Variants in MEI4 observed in about 807,000 individuals in gnomAD.
MEI4 encodes meiotic double-stranded break formation protein 4, also known as meiosis-specific protein MEI4.
A neutral mutation model predicts 31.4 loss-of-function variants in MEI4; 27 were observed. The observed-to-expected ratio is 0.86, with a 90% CI of 0.63 to 1.19. The LOEUF is 1.19. Ranked by LOEUF, MEI4 falls within the 50% of genes most tolerant of loss-of-function variation. The pLI is 0.00. For synonymous variants in MEI4, 122 were observed against 145.4 expected (o/e 0.84, Z 1.16); for missense variants, 329 against 398.9 (o/e 0.82, Z 1.49).
chr6:77,775,919 G>C (rs1768427119), intron 3 of MEI4, among the ~76,000 whole-genome samples: 1 of 152,100 alleles, frequency 6.6e-6, no homozygotes, highest in Admixed American at 6.6e-5. Flanking sequence ...TTGTGGTTTT[G>C]ATTTGCGCTT....
intron 4 of MEI4, among the ~76,000 whole-genome samples, chr6:77,883,418 A>C (rs752898798): frequency 6.6e-6 from 1 of 151,868 alleles, no homozygotes; most frequent in African/African-American, 2.4e-5. Context: ...GCATGTAAAC[A>C]TTAATGAACC....
chr6:77,854,528 A>G (rs1770702619), intron 4 of MEI4, among the ~76,000 whole-genome samples: 1 of 151,798 alleles, frequency 6.6e-6, no homozygotes, highest in Non-Finnish European at 1.5e-5. Flanking sequence ...TTTAAAAATT[A>G]AAACATATGG....
chr6:77,839,560 C>T (rs9343676), intron 4 of MEI4, among the ~76,000 whole-genome samples: 35,227 of 151,920 alleles, frequency 0.23, 5,186 homozygotes, highest in African/African-American at 0.42. Context: ...TGATGTAAAC[C>T]GCTGTGTATA....
At chr6:77,787,880 C>G (rs1015651605) in intron 3 of MEI4, among the ~76,000 whole-genome samples, 1 of 152,078 alleles carries the variant, frequency 6.6e-6, no homozygotes, top group Non-Finnish European at 1.5e-5. Flanking sequence ...GGTGGATAAG[C>G]TTTTTGATGT....
intron 3 of MEI4, among the ~76,000 whole-genome samples, chr6:77,784,184 A>G (rs1359911126): frequency 1.3e-5 from 2 of 152,148 alleles, no homozygotes; most frequent in East Asian, 3.9e-4. Flanking sequence ...GTTCATGGAG[A>G]ACCACTGTGC....
chr6:77,698,348 G>A (rs148399543), intron 2 of MEI4, among the ~76,000 whole-genome samples: 4,480 of 152,264 alleles, frequency 0.029, 233 homozygotes, highest in African/African-American at 0.1. Context: ...AGTTGATGCA[G>A]TTTCTTCCTA....
At chr6:77,733,575 C>T (rs533611665) in intron 2 of MEI4, among the ~76,000 whole-genome samples, 1 of 151,952 alleles carries the variant, frequency 6.6e-6, no homozygotes, top group South Asian at 2.1e-4. Flanking sequence ...TTTCAAAAAA[C>T]CAGCTCCTGG....
intron 2 of MEI4, among the ~76,000 whole-genome samples, chr6:77,745,607 G>T (rs1169915525): frequency 6.6e-6 from 1 of 152,062 alleles, no homozygotes; most frequent in Admixed American, 6.6e-5. Flanking sequence ...ACTCAGCTCT[G>T]CACCAAGCAG....
At chr6:77,916,322 A>C (rs936058938) in intron 4 of MEI4, among the ~76,000 whole-genome samples, 2 of 152,002 alleles carry the variant, frequency 1.3e-5, no homozygotes, top group African/African-American at 4.8e-5. Flanking sequence ...CTTTCCTTTT[A>C]TCATGTATCT....
At chr6:77,731,217 T>G (rs528993579) in intron 2 of MEI4, among the ~76,000 whole-genome samples, 36 of 149,480 alleles carry the variant, frequency 2.4e-4, no homozygotes, top group South Asian at 1.1e-3. Flanking sequence ...ACTTCCACAA[T>G]GGTTGAACTA....
At chr6:77,661,319 G>A (rs190798880) in intron 1 of MEI4, among the ~76,000 whole-genome samples, 1 of 152,168 alleles carries the variant, frequency 6.6e-6, no homozygotes, top group African/African-American at 2.4e-5. Flanking sequence ...AATAAAGGCC[G>A]GTCCGTTATC....
intron 4 of MEI4, among the ~76,000 whole-genome samples, chr6:77,904,337 G>A (rs1440066062): frequency 6.6e-6 from 1 of 152,016 alleles, no homozygotes; most frequent in Non-Finnish European, 1.5e-5. Context: ...GGTTCAGGGA[G>A]TACATGTGCA....
chr6:77,738,819 AT>A (rs1767321641), intron 2 of MEI4, among the ~76,000 whole-genome samples: 2 of 152,212 alleles, frequency 1.3e-5, no homozygotes, highest in Non-Finnish European at 2.9e-5. Flanking sequence ...TGTGGTTTTG[AT>A]TTGCATTTCT....
chr6:77,808,548 T>G (rs1769496762), intron 3 of MEI4, among the ~76,000 whole-genome samples: 1 of 152,128 alleles, frequency 6.6e-6, no homozygotes, highest in Non-Finnish European at 1.5e-5. Context: ...GGATTGGTCC[T>G]GGGTTAGTCT....
Position 77,778,378 on chromosome 6 carries a change from A to G in MEI4, c.768+16713A>G, listed in dbSNP as rs1768509641. ...GGAATAAATGTTATAAAACTATCCT[A>G]TGGCATATGTCTGAACAACTTTAGT... is the stretch of plus-strand genomic sequence containing the variant. On this transcript the variant is annotated intron_variant, in intron 3 of 4. Transcript: ENST00000684080. Among the ~76,000 whole-genome samples the G allele has an allele frequency of 2.6e-5, 4 of 152,076 alleles. No homozygotes were observed. The South Asian group carries it at 8.3e-4, about 32-fold the overall frequency.
chr6:77,896,732 T>G (rs1286411655), intron 4 of MEI4, among the ~76,000 whole-genome samples: 1 of 152,044 alleles, frequency 6.6e-6, no homozygotes, highest in Non-Finnish European at 1.5e-5. Flanking sequence ...AGGAATTATC[T>G]TCTAGATTAC....
At chr6:77,850,328 A>G (rs956356066) in intron 4 of MEI4, among the ~76,000 whole-genome samples, 7 of 152,098 alleles carry the variant, frequency 4.6e-5, no homozygotes, top group Non-Finnish European at 8.8e-5. Flanking sequence ...CATTGCCAAG[A>G]CAATCCTAAG....
rs554705225 is a variant in MEI4, at chr6:77,828,862, T to C, written c.769-69T>C. ...TTCCTCACAGCATTTAGCTCAGTAG[T>C]AAGGTCTTAGAAAATACATTTTGAT... On this transcript the variant is annotated intron_variant, in intron 3 of 4. Transcript: ENST00000684080. The C allele has an allele frequency of 2.6e-6, 3 of 1,149,186 alleles. No individual in the cohort carries two copies. In the East Asian group the frequency reaches 9.6e-5, roughly 37 times the overall value. The allele number at this position is 1,149,186 out of a possible 1,614,324, so 71.2% of individuals were successfully genotyped here.
rs1416100851 is a variant in MEI4, at chr6:77,925,790, GTAAA to G, written c.*2447_*2450del. On this transcript the variant is annotated 3_prime_UTR_variant, in exon 5 of 5. Transcript: ENST00000684080. Reference sequence around the variant, plus strand: ...ATATGATAATATATTTTATATGAGAGTAAATATATATTAAATATTTTATATACAT... The same window carrying G: ...ATATGATAATATATTTTATATGAGAGTATATATTAAATATTTTATATACAT... The G allele has an allele frequency of 2.7e-5, 4 of 147,538 alleles. No individual in the cohort carries two copies. The highest frequency in any genetic ancestry group is 3.9e-4 in the East Asian group (2 of 5,098). The allele number at this position is 147,538 out of a possible 1,614,324, so 9.1% of individuals were successfully genotyped here.
Sources: gnomAD v4.1 joint callset for allele counts (sites outside exome capture counted in the v4.1 genomes callset) on GRCh38, gnomAD v4.1.1 for gene constraint, MANE v1.5 for transcripts, NCBI Gene and HGNC (gene_info 2026-07-23, HGNC 2026-07-21) for gene names.